ZNF597: variants seen among roughly 807,000 people sequenced by gnomAD.
ZNF597 encodes zinc finger protein 597.
In ZNF597, 5 loss-of-function variants were observed where a neutral mutation model predicts 7.3. The ratio of observed to expected loss-of-function variants is 0.68; its 90% CI spans 0.36 to 1.44. The LOEUF (loss-of-function observed/expected upper bound fraction) is 1.44. Among genes scored for constraint, ZNF597 ranks in the 40% most tolerant of loss-of-function variants. ZNF597 has a pLI of 0.04. For missense variants in ZNF597, 585 were observed against 517.9 expected, an observed-to-expected ratio of 1.13 and a Z score of -1.26; for synonymous variants, 209 against 185.4, an observed-to-expected ratio of 1.13 and a Z score of -1.04.
chr16:3,432,852 C>A lies in ZNF597; in HGVS notation c.*3572G>T, dbSNP rs1204682632. 2 of 152,192 alleles carry A rather than the reference C, an allele frequency of 1.3e-5. No individual in the cohort carries two copies. Among genetic ancestry groups the A allele is most frequent in the African/African-American group, 4.8e-5 (2 of 41,450 alleles). 9.4% of individuals were successfully genotyped at this position (152,192 alleles called of 1,614,324 possible). On this transcript the variant is annotated 3_prime_UTR_variant, in exon 4 of 4. Transcript: ENST00000301744. ...CATTTTGTTAAACAGATGGTCAAAG[C>A]AAATACACTTTCCTACTAAAATCCC...
At position 3,436,959 on chromosome 16, in the gene ZNF597, C is replaced by G. The variant is rs1489290909; in HGVS notation, c.740G>C (p.Arg247Thr). The part of the protein sequence containing the change: ...EKPYTCSICG[R>T]GFMWLPGLAQ... ...CAATCCTGGGAGCCACATAAAACCT[C>G]TACCACATATGCTACATGTATAGGG... Residue 247 changes from arginine (R) to threonine (T), a missense_variant, in exon 4 of 4, where the codon AGA becomes ACA. Transcript: ENST00000301744. 1.2e-6 allele frequency: 2 copies of G among 1,614,206 alleles called. No homozygotes were observed. The highest frequency in any genetic ancestry group is 2.2e-5 in the South Asian group (2 of 91,082).
rs1474498929 is a variant in ZNF597, at chr16:3,436,375, T to C, written c.*49A>G. The C allele has an allele frequency of 6.4e-7, 1 of 1,561,490 alleles. No individual in the cohort carries two copies. Among genetic ancestry groups the C allele is most frequent in the Non-Finnish European group, 8.7e-7 (1 of 1,147,314 alleles). On this transcript the variant is annotated 3_prime_UTR_variant, in exon 4 of 4. Transcript: ENST00000301744. The stretch of plus-strand genomic sequence containing the variant: ...CATATACAGTAACTGCTTCCCACCA[T>C]ACAGATACTGAAAAGCCCAATCACT...
chr16:3,443,145 G>A lies in ZNF597; in HGVS notation c.9C>T (p.Ser3=), dbSNP rs745820519. The change falls in exon 2 of 4, where the codon TCC becomes TCT. Residue 3 remains serine, a synonymous_variant. Transcript: ENST00000301744. MA[S]MPPTPEAQGP... ...CCTGGGCCTCGGGCGTCGGGGGCAT[G>A]GACGCCATTTGGCGGGTGGGGAATG... 2 of 1,613,584 alleles carry A rather than the reference G, an allele frequency of 1.2e-6. No homozygotes were observed. Among genetic ancestry groups the A allele is most frequent in the South Asian group, 2.2e-5 (2 of 91,012 alleles).
intron 3 of ZNF597, among the ~76,000 whole-genome samples, chr16:3,440,278 A>C (rs1333093901): frequency 6.6e-6 from 1 of 152,248 alleles, no homozygotes; most frequent in Non-Finnish European, 1.5e-5. Context: ...GTGAAAGATT[A>C]CCAAATACTG....
intron 3 of ZNF597, among the ~76,000 whole-genome samples, chr16:3,439,116 AACCTGT>A (rs991229186): frequency 6.6e-6 from 1 of 152,062 alleles, no homozygotes; most frequent in Non-Finnish European, 1.5e-5. Context: ...CAGTGGCTCA[AACCTGT>A]AATCCCAGCA....
intron 2 of ZNF597, among the ~76,000 whole-genome samples, chr16:3,442,892 TCA>T (rs2034411368): frequency 6.6e-6 from 1 of 152,116 alleles, no homozygotes; most frequent in Non-Finnish European, 1.5e-5. Context: ...AGAAACTCTC[TCA>T]GAGATTCCTC....
chr16:3,436,541 G>A lies in ZNF597; in HGVS notation c.1158C>T (p.Cys386=). The A allele has an allele frequency of 6.2e-7, 1 of 1,614,046 alleles. No individual in the cohort carries two copies. Among genetic ancestry groups the A allele is most frequent in the Non-Finnish European group, 8.5e-7 (1 of 1,179,978 alleles). Reference sequence around the variant, plus strand: ...CCGCTAGCATGTGGCTCTTCTGGTGGCATGCAAGTTCTGAGTCCAAAGCAA... The same window carrying A: ...CCGCTAGCATGTGGCTCTTCTGGTGACATGCAAGTTCTGAGTCCAAAGCAA... The part of the protein sequence containing the change: ...ESFALDSELA[C]HQKSHMLAEP... The change falls in exon 4 of 4, where the codon TGC becomes TGT. Residue 386 remains cysteine, a synonymous_variant. Coordinates refer to ENST00000301744, the MANE Select transcript of ZNF597 (RefSeq NM_152457.3).
chr16:3,438,216 T>TA (rs140287445), intron 3 of ZNF597, among the ~76,000 whole-genome samples: 37,393 of 136,906 alleles, frequency 0.27, 5,472 homozygotes, highest in African/African-American at 0.4. Context: ...ACTTGTTTCT[T>TA]AAAAAAAAAA....
At chr16:3,442,044 A>G (rs1231479599) in intron 2 of ZNF597, among the ~76,000 whole-genome samples, 1 of 151,806 alleles carries the variant, frequency 6.6e-6, no homozygotes, top group Admixed American at 6.6e-5. Context: ...ATAAAGAGAT[A>G]AAGGTTACAG....
At position 3,433,407 on chromosome 16, in the gene ZNF597, C is replaced by T. The variant is rs781517428; in HGVS notation, c.*3017G>A. ...TTCATCACTGCATCAACGACAAAAA[C>T]GGAGAAATTTGTCTGAGTCAATTTA... is the stretch of plus-strand genomic sequence containing the variant. On this transcript the variant is annotated 3_prime_UTR_variant, in exon 4 of 4. Coordinates refer to ENST00000301744, the MANE Select transcript of ZNF597 (RefSeq NM_152457.3). 9 of 152,184 alleles carry T rather than the reference C, an allele frequency of 5.9e-5. No homozygotes were observed. The highest frequency in any genetic ancestry group is 1.7e-4 in the African/African-American group (7 of 41,450). 9.4% of individuals were successfully genotyped at this position (152,184 alleles called of 1,614,324 possible).
At chr16:3,441,919 G>C (rs1211596912) in intron 2 of ZNF597, among the ~76,000 whole-genome samples, 2 of 151,196 alleles carry the variant, frequency 1.3e-5, no homozygotes, top group African/African-American at 2.4e-5. Flanking sequence ...GGCAGAGATT[G>C]CAGTGAGCCG....
chr16:3,442,981 A>G, intron 2 of ZNF597, 140 bp downstream of exon 2: 2 of 989,042 alleles, frequency 2.0e-6, no homozygotes, highest in South Asian at 1.3e-5. Context: ...CTTGGAACGA[A>G]GAACACTTGG....
chr16:3,437,637 C>T (rs2034319571), intron 3 of ZNF597, 99 bp from the exon 4 acceptor site: 2 of 1,452,684 alleles, frequency 1.4e-6, no homozygotes, highest in Non-Finnish European at 1.8e-6. Context: ...ACCAGGAAAC[C>T]TTAGAAGGGT....
intron 2 of ZNF597, among the ~76,000 whole-genome samples, chr16:3,441,591 C>G (rs556918375): frequency 2.0e-5 from 3 of 152,232 alleles, no homozygotes; most frequent in South Asian, 2.1e-4. Flanking sequence ...GAGGCTGAGG[C>G]AGGAGAATCA....
chr16:3,440,840 T>C lies in ZNF597; in HGVS notation c.127A>G (p.Thr43Ala). ...PAQRSLSKDG[T>A]KESLEDAALM... The stretch of plus-strand genomic sequence containing the variant: ...GCCGCATCCTCCAAAGACTCTTTTG[T>C]ACCATCTTTGCTGAGGGACCTCTGG... Residue 43 changes from threonine to alanine, a missense_variant, in exon 3 of 4, where the codon ACA becomes GCA. Physicochemically the swap from Thr to Ala is moderately conservative, Grantham distance 58. Transcript: ENST00000301744. The C allele has an allele frequency of 6.2e-7, 1 of 1,614,048 alleles. No individual in the cohort carries two copies.
At position 3,432,907 on chromosome 16, in the gene ZNF597, A is replaced by G. The variant is rs1337193796; in HGVS notation, c.*3517T>C. Reference sequence around the variant, plus strand: ...GGATAACAAGTTTAATGAACATTCAAAATAGACTATTCATATAAACTATAA... The same window carrying G: ...GGATAACAAGTTTAATGAACATTCAGAATAGACTATTCATATAAACTATAA... On this transcript the variant is annotated 3_prime_UTR_variant, in exon 4 of 4. Coordinates refer to ENST00000301744, the MANE Select transcript of ZNF597 (RefSeq NM_152457.3). 6.6e-6 allele frequency: 1 copy of G among 152,248 alleles called. No homozygotes were observed. Among genetic ancestry groups the G allele is most frequent in the East Asian group, 1.9e-4 (1 of 5,208 alleles). The allele number at this position is 152,248 out of a possible 1,614,324, so 9.4% of individuals were successfully genotyped here. A position where few individuals can be genotyped will look rare whatever the true frequency, so the allele number is the denominator to read the frequency against.
In ZNF597 at chr16:3,436,974, C is replaced by T; in HGVS notation, c.725G>A (p.Cys242Tyr). Residue 242 changes from cysteine to tyrosine, a missense_variant, in exon 4 of 4, where the codon TGT (cysteine) becomes TAT (tyrosine). Cys to Tyr is a radical substitution (Grantham distance 194, BLOSUM62 -2). Transcript: ENST00000301744. ...NSHVKEKPYT[C>Y]SICGRGFMWL... ...CATAAAACCTCTACCACATATGCTA[C>T]ATGTATAGGGCTTCTCCTTTACGTG... The T allele has an allele frequency of 1.2e-6, 2 of 1,614,196 alleles. No individual in the cohort carries two copies. Among genetic ancestry groups the T allele is most frequent in the South Asian group, 2.2e-5 (2 of 91,078 alleles).
chr16:3,441,686 C>G (rs1251056933), intron 2 of ZNF597, among the ~76,000 whole-genome samples: 2 of 151,088 alleles, frequency 1.3e-5, no homozygotes, highest in East Asian at 3.9e-4. Context: ...AACTCCGTCT[C>G]AAGCAGAGCT....
rs147408638 is a variant in ZNF597, at chr16:3,435,637, A to C, written c.*787T>G. On this transcript the variant is annotated 3_prime_UTR_variant, in exon 4 of 4. Coordinates refer to ENST00000301744, the MANE Select transcript of ZNF597 (RefSeq NM_152457.3). ...TAAAGTAGCTAGCATGCTCACTGAG[A>C]AACAATTACAATTATTCATAGTAAG... 1.1e-3 allele frequency: 164 copies of C among 152,310 alleles called. No individual in the cohort carries two copies. Among genetic ancestry groups the C allele is most frequent in the African/African-American group, 3.7e-3 (153 of 41,556 alleles). 9.4% of individuals were successfully genotyped at this position (152,310 alleles called of 1,614,324 possible). A position where few individuals can be genotyped will look rare whatever the true frequency, so the allele number is the denominator to read the frequency against.
Sources: allele counts gnomAD v4.1 joint callset (sites outside exome capture counted in the v4.1 genomes callset), GRCh38; gene constraint gnomAD v4.1.1; transcripts MANE v1.5; gene names NCBI Gene and HGNC (gene_info 2026-07-23, HGNC 2026-07-21).